The following FBXW11 variants were observed in gnomAD, a reference collection of about 807,000 sequenced individuals.
The protein encoded by FBXW11 is F-box and WD repeat domain containing 11, also known as F-box/WD repeat-containing protein 11.
A neutral mutation model predicts 77.6 loss-of-function variants in FBXW11; 19 were observed. The observed-to-expected ratio is 0.24, with a 90% CI of 0.17 to 0.36. The LOEUF is 0.36. FBXW11 is among the 10% of genes least tolerant of loss of function. FBXW11 has a pLI of 1.00. For synonymous variants in FBXW11, 235 were observed against 249.4 expected, an observed-to-expected ratio of 0.94 and a Z score of 0.54; for missense variants, 334 against 704.2, an observed-to-expected ratio of 0.47 and a Z score of 5.95.
At position 171,899,093 on chromosome 5, in the gene FBXW11, C is replaced by A; in HGVS notation, c.625G>T (p.Asp209Tyr). The change falls in exon 6 of 14, where the codon GAT becomes TAT. Residue 209 changes from aspartate (D) to tyrosine (Y), a missense_variant and splice_region_variant. By Grantham distance (160) the Asp-to-Tyr change is radical. This residue lies in a region of FBXW11 where 19 missense variants were observed against 16.0 expected (regional missense o/e 1.19). Transcript: ENST00000517395. The stretch of plus-strand genomic sequence containing the variant: ...GGTCTGTTTTTAAACAGGTACTGAT[C>A]CCTGGCAAATAAAAACAAACAGATG... ...WKGLSERRGW[D>Y]QYLFKNRPTD... 2 of 1,590,172 alleles carry A rather than the reference C, an allele frequency of 1.3e-6. No individual in the cohort carries two copies. The highest frequency in any genetic ancestry group is 2.3e-5 in the South Asian group (2 of 86,162).
chr5:171,995,093 A>G (rs765189965), intron 1 of FBXW11, among the ~76,000 whole-genome samples: 120 of 152,208 alleles, frequency 7.9e-4, no homozygotes, highest in African/African-American at 1.8e-3. Context: ...TTTTTTTAAG[A>G]TGAAAGGGAG....
chr5:171,996,830 C>T (rs1766084190), intron 1 of FBXW11: 3 of 1,154,390 alleles, frequency 2.6e-6, no homozygotes, highest in Non-Finnish European at 2.2e-6. Context: ...AAATATTTTT[C>T]AAAATTTCTT....
chr5:171,998,729 A>T (rs1280911910), intron 1 of FBXW11, among the ~76,000 whole-genome samples: 4 of 149,582 alleles, frequency 2.7e-5, no homozygotes, highest in Non-Finnish European at 5.9e-5. Flanking sequence ...CCCGGGAGAC[A>T]GAGGCTGCAG....
intron 2 of FBXW11, among the ~76,000 whole-genome samples, chr5:171,937,545 C>T (rs1014663106): frequency 2.6e-5 from 4 of 151,940 alleles, no homozygotes; most frequent in East Asian, 1.9e-4. Flanking sequence ...TTTATAAAAA[C>T]GCAGTGGGGG....
Position 171,877,825 on chromosome 5 carries a change from T to C in FBXW11, c.971+186A>G, listed in dbSNP as rs543034411. On this transcript the variant is annotated intron_variant, in intron 8 of 13. Transcript: ENST00000517395. ...TCTCTACAATGAACAGCAATAGGAA[T>C]AGAACACCCTTAACAAAAATTAGCT... is the stretch of plus-strand genomic sequence containing the variant. Among the ~76,000 whole-genome samples the C allele has an allele frequency of 3.3e-5, 5 of 152,296 alleles. No homozygotes were observed. The East Asian group carries it at 9.6e-4, about 29-fold the overall frequency.
chr5:171,898,918 T>G, intron 6 of FBXW11, 86 bp downstream of exon 6: 1 of 784,234 alleles, frequency 1.3e-6, no homozygotes, highest in Non-Finnish European at 2.0e-6. Flanking sequence ...TTCTACGATT[T>G]TAGACCAAAA....
intron 2 of FBXW11, among the ~76,000 whole-genome samples, chr5:171,936,139 A>C (rs1256080171): frequency 3.3e-5 from 5 of 151,316 alleles, no homozygotes; most frequent in African/African-American, 1.2e-4. Context: ...AAAAGAATAA[A>C]ACAAGTCTGA....
intron 2 of FBXW11, among the ~76,000 whole-genome samples, chr5:171,951,741 G>A (rs1763329987): frequency 1.3e-5 from 2 of 152,066 alleles, no homozygotes; most frequent in East Asian, 3.9e-4. Context: ...AAAGTGCTGG[G>A]ATTACAGGTG....
At chr5:171,892,646 T>C (rs184845749) in intron 6 of FBXW11, among the ~76,000 whole-genome samples, 3 of 152,314 alleles carry the variant, frequency 2.0e-5, no homozygotes, top group Non-Finnish European at 2.9e-5. Context: ...GGGACAAGTT[T>C]AGTGAAGAAG....
intron 1 of FBXW11, among the ~76,000 whole-genome samples, chr5:171,990,257 C>A (rs1041832000): frequency 1.3e-5 from 2 of 151,938 alleles, no homozygotes; most frequent in African/African-American, 2.4e-5. Context: ...TACTTTTTTA[C>A]CTCAACTCTT....
intron 1 of FBXW11, among the ~76,000 whole-genome samples, chr5:171,967,487 G>A (rs559920639): frequency 6.6e-6 from 1 of 152,224 alleles, no homozygotes; most frequent in South Asian, 2.1e-4. Context: ...GAAACACTAA[G>A]TGAATAAAGG....
intron 2 of FBXW11, among the ~76,000 whole-genome samples, chr5:171,950,231 T>C (rs1763233671): frequency 6.6e-6 from 1 of 152,158 alleles, no homozygotes. Flanking sequence ...TAAACATTTT[T>C]AAATGATATT....
At chr5:172,005,079 C>T (rs1426070368) in intron 1 of FBXW11, among the ~76,000 whole-genome samples, 2 of 152,162 alleles carry the variant, frequency 1.3e-5, no homozygotes, top group African/African-American at 4.8e-5. Flanking sequence ...CCACAGAAAC[C>T]ATGCAGCTAT....
intron 1 of FBXW11, among the ~76,000 whole-genome samples, chr5:171,973,443 G>C (rs1014735469): frequency 6.6e-6 from 1 of 152,172 alleles, no homozygotes; most frequent in Non-Finnish European, 1.5e-5. Flanking sequence ...TTTGAGGAAA[G>C]CTAAAGACAA....
chr5:171,890,621 G>T (rs1177032684), intron 7 of FBXW11, among the ~76,000 whole-genome samples: 1 of 152,068 alleles, frequency 6.6e-6, no homozygotes, highest in African/African-American at 2.4e-5. Flanking sequence ...CCACTCCTCA[G>T]TTTTCACGCA....
intron 7 of FBXW11, among the ~76,000 whole-genome samples, chr5:171,889,240 ATCT>A (rs1167461626): frequency 6.6e-6 from 1 of 152,218 alleles, no homozygotes. Context: ...CAAAATTAAA[ATCT>A]TCTGTCAAGT....
chr5:171,867,427 A>G (rs1757470011), intron 13 of FBXW11, among the ~76,000 whole-genome samples: 1 of 152,098 alleles, frequency 6.6e-6, no homozygotes, highest in Non-Finnish European at 1.5e-5. Flanking sequence ...TTAAAAATGT[A>G]AAAACTATTC....
chr5:171,980,316 G>A (rs894953087), intron 1 of FBXW11, among the ~76,000 whole-genome samples: 1 of 152,054 alleles, frequency 6.6e-6, no homozygotes, highest in Non-Finnish European at 1.5e-5. Flanking sequence ...AAATTACCTT[G>A]AAGACCTTAA....
intron 4 of FBXW11, among the ~76,000 whole-genome samples, chr5:171,902,315 C>A (rs1245801436): frequency 6.6e-6 from 1 of 152,186 alleles, no homozygotes; most frequent in African/African-American, 2.4e-5. Flanking sequence ...TGCAATTTTT[C>A]ACTTACATGT....
Sources: allele counts gnomAD v4.1 joint callset (sites outside exome capture counted in the v4.1 genomes callset), GRCh38; gene constraint gnomAD v4.1.1; regional missense constraint gnomAD v4.1.1; transcripts MANE v1.5; gene names NCBI Gene and HGNC (gene_info 2026-07-23, HGNC 2026-07-21).